Variants in PCDHGA2 observed in about 807,000 individuals in gnomAD.
PCDHGA2 encodes the protein protocadherin gamma subfamily A, 2.
PCDHGA2 carries 40 observed loss-of-function variants against 59.2 expected under a neutral mutation model. The ratio of observed to expected loss-of-function variants is 0.68; its 90% CI spans 0.52 to 0.88. The LOEUF (loss-of-function observed/expected upper bound fraction) is 0.88, where lower values mean the gene tolerates loss of function less well. PCDHGA2 is among the 40% of genes least tolerant of loss of function. PCDHGA2 has a pLI of 0.00. For missense variants in PCDHGA2, 1,226 were observed against 1,204.0 expected (o/e 1.02, Z -0.27); for synonymous variants, 560 against 526.0 (o/e 1.06, Z -0.89).
At chr5:141,424,717 T>G (rs914445969) in intron 1 of PCDHGA2, 1 of 152,202 alleles carries the variant, frequency 6.6e-6, no homozygotes, top group Non-Finnish European at 1.5e-5. Context: ...TCAGTGTAGT[T>G]GGGAGTCATA....
chr5:141,389,737 G>A, intron 1 of PCDHGA2: 2 of 1,612,718 alleles, frequency 1.2e-6, no homozygotes, highest in Non-Finnish European at 1.7e-6. Flanking sequence ...TTCAGCCTGG[G>A]GCTGCGCACG....
At chr5:141,417,646 C>A in intron 1 of PCDHGA2, 2 of 797,870 alleles carry the variant, frequency 2.5e-6, no homozygotes, top group Non-Finnish European at 3.8e-6. Context: ...GATCCCTCAG[C>A]CTCTAGCCTG....
At chr5:141,483,222 C>A (rs1011389295) in intron 1 of PCDHGA2, among the ~76,000 whole-genome samples, 4 of 152,078 alleles carry the variant, frequency 2.6e-5, no homozygotes, top group African/African-American at 9.7e-5. Context: ...ACAGTCACTG[C>A]AGAAATTTGA....
At chr5:141,389,508 G>A (rs369319162) in intron 1 of PCDHGA2, 3 of 1,613,090 alleles carry the variant, frequency 1.9e-6, no homozygotes, top group Non-Finnish European at 2.5e-6. Flanking sequence ...AGCGCTCAGC[G>A]CGAACGTGAG....
intron 1 of PCDHGA2, chr5:141,342,419 T>C (rs1282431685): frequency 6.6e-6 from 1 of 152,228 alleles, no homozygotes; most frequent in Non-Finnish European, 1.5e-5. Flanking sequence ...AGCACACTAA[T>C]GTTCTATGTA....
At chr5:141,353,402 ATCT>A (rs1178669390) in intron 1 of PCDHGA2, among the ~76,000 whole-genome samples, 1 of 152,140 alleles carries the variant, frequency 6.6e-6, no homozygotes, top group African/African-American at 2.4e-5. Context: ...AATTAATGTA[ATCT>A]TCATCAATTA....
intron 1 of PCDHGA2, chr5:141,360,991 G>A (rs773432270): frequency 1.9e-6 from 3 of 1,613,428 alleles, no homozygotes; most frequent in Non-Finnish European, 2.5e-6. Flanking sequence ...TAATGTGGAC[G>A]AACAAGTGAA....
Position 141,490,731 on chromosome 5 carries a change from G to A in PCDHGA2, c.2425-4076G>A, listed in dbSNP as rs139283997. The A allele has an allele frequency of 6.8e-6, 11 of 1,614,080 alleles. No homozygotes were observed. In the African/African-American group the frequency reaches 1.1e-4, roughly 16 times the overall value. Reference sequence around the variant, plus strand: ...TCACCTACTCCATTGTAGGAAATCAGGTTCAGGGAGCCCCAGCCTCCTCCT... The same window carrying A: ...TCACCTACTCCATTGTAGGAAATCAAGTTCAGGGAGCCCCAGCCTCCTCCT... On this transcript the variant is annotated intron_variant, in intron 1 of 3. Transcript: ENST00000394576. The surrounding 1 kb of genome is among the most constrained non-coding windows in gnomAD (Gnocchi z 5.4).
At chr5:141,470,548 A>G (rs2099232978) in intron 1 of PCDHGA2, among the ~76,000 whole-genome samples, 1 of 152,182 alleles carries the variant, frequency 6.6e-6, no homozygotes, top group Non-Finnish European at 1.5e-5. Context: ...ATATTTATTG[A>G]GAGTTTCCTC....
rs367939205 is a variant in PCDHGA2 at position 141,383,529 on chromosome 5, G to A, written c.2424+42134G>A. ...GGGAGGAAGAGCGGGTTCACCACCT[G>A]GTCCTCACAGCCTCTGATGGCGGCG... On this transcript the variant is annotated intron_variant, in intron 1 of 3. Transcript: ENST00000394576. The A allele has an allele frequency of 3.0e-5, 48 of 1,612,474 alleles. No homozygotes were observed. The African/African-American group carries it at 5.7e-4, about 19-fold the overall frequency.
intron 2 of PCDHGA2, among the ~76,000 whole-genome samples, chr5:141,498,191 A>G (rs2099782212): frequency 6.6e-6 from 1 of 152,270 alleles, no homozygotes; most frequent in African/African-American, 2.4e-5. Flanking sequence ...CAAATTAACC[A>G]GCTAAAGAAA....
intron 1 of PCDHGA2, among the ~76,000 whole-genome samples, chr5:141,435,478 C>A (rs1279447863): frequency 6.6e-6 from 1 of 152,146 alleles, no homozygotes; most frequent in Non-Finnish European, 1.5e-5. Flanking sequence ...TTAGACATTT[C>A]TTTTGCCCAT....
chr5:141,376,508 G>A (rs1267982619), intron 1 of PCDHGA2: 1 of 1,614,020 alleles, frequency 6.2e-7, no homozygotes, highest in South Asian at 1.1e-5. Context: ...GCAACTTCAG[G>A]TGAGTTTCTT....
At chr5:141,362,022 G>A (rs769844077) in intron 1 of PCDHGA2, 1 of 1,607,598 alleles carries the variant, frequency 6.2e-7, no homozygotes, top group African/African-American at 1.3e-5. Context: ...TGCGCACAGC[G>A]CGTGCCTTGG....
intron 1 of PCDHGA2, chr5:141,410,134 C>T: frequency 6.2e-7 from 1 of 1,612,766 alleles, no homozygotes; most frequent in East Asian, 2.2e-5. Flanking sequence ...GCCTGCTGGT[C>T]GCTGTGCGTG....
rs1363891858 is a variant in PCDHGA2, at chr5:141,491,369, C to T, written c.2425-3438C>T. 8.7e-6 allele frequency: 14 copies of T among 1,614,110 alleles called. No homozygotes were observed. Among genetic ancestry groups the T allele is most frequent in the East Asian group, 2.2e-5 (1 of 44,866 alleles). On this transcript the variant is annotated intron_variant, in intron 1 of 3. Coordinates refer to ENST00000394576, the MANE Select transcript of PCDHGA2 (RefSeq NM_018915.4). The surrounding 1 kb of genome is among the most constrained non-coding windows in gnomAD (Gnocchi z 6.9). ...AGTCTCTTATCCCTAGTCACCTTCACCTTTCTGTCAGCGAAGTGCCTTCAG... is the reference window on the plus strand; with the variant it reads ...AGTCTCTTATCCCTAGTCACCTTCATCTTTCTGTCAGCGAAGTGCCTTCAG...
At chr5:141,370,198 C>G in intron 1 of PCDHGA2, 1 of 534,742 alleles carries the variant, frequency 1.9e-6, no homozygotes. Context: ...TAGTGCTGTG[C>G]AAAATATTGG....
intron 1 of PCDHGA2, chr5:141,393,878 A>C: frequency 1.9e-6 from 3 of 1,614,022 alleles, no homozygotes; most frequent in Non-Finnish European, 2.5e-6. Context: ...TGTTTAGCCC[A>C]GTGTTAGAAA....
chr5:141,490,938 C>A lies in PCDHGA2; in HGVS notation c.2425-3869C>A. 1.2e-6 allele frequency: 2 copies of A among 1,613,672 alleles called. No individual in the cohort carries two copies. Among genetic ancestry groups the A allele is most frequent in the Non-Finnish European group, 1.7e-6 (2 of 1,179,760 alleles). On this transcript the variant is annotated intron_variant, in intron 1 of 3. Coordinates refer to ENST00000394576, the MANE Select transcript of PCDHGA2 (RefSeq NM_018915.4). The surrounding 1 kb of genome is among the most constrained non-coding windows in gnomAD (Gnocchi z 5.4). ...ATGATAATGCCCCAGCTGTGCTGCA[C>A]CCACGGCCAGACTGGGAACACTCAG... is the stretch of plus-strand genomic sequence containing the variant.
Sources: gnomAD v4.1 joint callset for allele counts (sites outside exome capture counted in the v4.1 genomes callset) on GRCh38, gnomAD v4.1.1 for gene constraint, Gnocchi (gnomAD v3.1) non-coding constraint, MANE v1.5 for transcripts, NCBI Gene and HGNC (gene_info 2026-07-23, HGNC 2026-07-21) for gene names.